Variants in ABCC6 observed in about 807,000 individuals in gnomAD.
ABCC6 encodes the protein ATP binding cassette subfamily C member 6, also known as ATP-binding cassette sub-family C member 6.
Under a neutral mutation model 169.5 loss-of-function variants are expected in ABCC6, and 126 were observed. The observed-to-expected ratio is 0.74, with a 90% CI of 0.64 to 0.86. The LOEUF is 0.86. ABCC6 is among the 40% of genes least tolerant of loss of function. ABCC6 has a pLI of 0.00. For missense variants in ABCC6, 1,733 were observed against 1,927.2 expected (o/e 0.90, Z 1.89); for synonymous variants, 752 against 814.7 (o/e 0.92, Z 1.31).
intron 10 of ABCC6, among the ~76,000 whole-genome samples, chr16:16,196,454 T>C (rs907560898): frequency 6.6e-6 from 1 of 152,274 alleles, no homozygotes; most frequent in Non-Finnish European, 1.5e-5. Context: ...AATGATAATA[T>C]TACAAATACC....
intron 9 of ABCC6, among the ~76,000 whole-genome samples, chr16:16,201,011 G>C (rs1395062816): frequency 6.6e-6 from 1 of 152,108 alleles, no homozygotes; most frequent in Non-Finnish European, 1.5e-5. Context: ...CTCTTACCCA[G>C]GCTGCGCTGT....
intron 20 of ABCC6, 70 bp downstream of exon 20, chr16:16,175,841 G>A: frequency 6.4e-7 from 1 of 1,559,716 alleles, no homozygotes; most frequent in Non-Finnish European, 8.8e-7. Flanking sequence ...TGCCCGAGAT[G>A]CGGGTGGTCC....
At chr16:16,195,406 G>A (rs1490946605) in intron 10 of ABCC6, among the ~76,000 whole-genome samples, 4 of 147,724 alleles carry the variant, frequency 2.7e-5, no homozygotes, top group Admixed American at 6.9e-5. Context: ...TCCACCTCCC[G>A]GGTTCAAGTG....
At chr16:16,220,617 CG>C (rs2049039335) in intron 2 of ABCC6, among the ~76,000 whole-genome samples, 1 of 152,062 alleles carries the variant, frequency 6.6e-6, no homozygotes, top group South Asian at 2.1e-4. Context: ...CGCAGTCGGC[CG>C]GGGGTGGTGG....
Position 16,163,157 on chromosome 16 carries a change from G to T in ABCC6, c.3342C>A (p.Arg1114=), listed in dbSNP as rs757849397. ...CAGACGAGTAGCTGGCTGACTCCAA[G>T]CGTCTCAGCTGGCATGAGCTAACCA... ...LYVVSSCQLR[R]LESASYSSVC... is the part of the protein sequence containing the mutation. The change falls in exon 24 of 31, where the codon CGC becomes CGA. Residue 1114 remains arginine (R), a synonymous_variant. Transcript: ENST00000205557. 1.9e-6 allele frequency: 3 copies of T among 1,613,720 alleles called. No individual in the cohort carries two copies. Among genetic ancestry groups the T allele is most frequent in the Non-Finnish European group, 1.7e-6 (2 of 1,180,040 alleles).
At chr16:16,216,285 T>C (rs1022903871) in intron 4 of ABCC6, among the ~76,000 whole-genome samples, 1 of 151,968 alleles carries the variant, frequency 6.6e-6, no homozygotes, top group African/African-American at 2.4e-5. Context: ...TGTTGTGCTA[T>C]CAAATAGATA....
At chr16:16,203,703 A>G in intron 7 of ABCC6, 90 bp from the exon 8 acceptor site, 3 of 1,427,634 alleles carry the variant, frequency 2.1e-6, no homozygotes, top group South Asian at 1.2e-5. Flanking sequence ...TGTTTTCCCA[A>G]CAGTGGAGAT....
chr16:16,187,101 C>T (rs776092032), intron 14 of ABCC6, 23 bp downstream of exon 14: 1 of 1,605,112 alleles, frequency 6.2e-7, no homozygotes, highest in Admixed American at 1.7e-5. Flanking sequence ...TCCCACACCC[C>T]TCCTGCCAGA....
intron 26 of ABCC6, 102 bp downstream of exon 26, chr16:16,159,380 G>C (rs2046640963): frequency 1.9e-6 from 2 of 1,079,616 alleles, no homozygotes; most frequent in South Asian, 1.3e-5. Flanking sequence ...GGGGAGAAGA[G>C]GGTATAAACT....
intron 1 of ABCC6, chr16:16,222,943 G>C (rs1306680180): frequency 4.6e-6 from 1 of 218,566 alleles, no homozygotes; most frequent in African/African-American, 2.4e-5. Flanking sequence ...CACAAGGTTG[G>C]GCACAAGGCT....
At chr16:16,176,580 A>T (rs2047284685) in intron 19 of ABCC6, among the ~76,000 whole-genome samples, 1 of 152,254 alleles carries the variant, frequency 6.6e-6, no homozygotes, top group Non-Finnish European at 1.5e-5. Context: ...ATTGTGAATC[A>T]ACACTTAAGG....
At chr16:16,211,293 C>T (rs1038323439) in intron 6 of ABCC6, among the ~76,000 whole-genome samples, 2 of 151,624 alleles carry the variant, frequency 1.3e-5, no homozygotes, top group African/African-American at 2.4e-5. Flanking sequence ...CTCAGCTACT[C>T]GGGAGGCTGA....
At chr16:16,201,021 T>C (rs2048220193) in intron 9 of ABCC6, among the ~76,000 whole-genome samples, 1 of 152,150 alleles carries the variant, frequency 6.6e-6, no homozygotes, top group African/African-American at 2.4e-5. Context: ...GGCTGCGCTG[T>C]AGTGGCGTGA....
intron 9 of ABCC6, among the ~76,000 whole-genome samples, chr16:16,200,450 G>C (rs1026789361): frequency 2.2e-5 from 3 of 135,124 alleles, no homozygotes; most frequent in African/African-American, 2.7e-5. Context: ...AAAAAAAAAA[G>C]CCCAGAGGTT....
rs1012536984 is a variant in ABCC6, at chr16:16,175,842, C to T, written c.2666+69G>A. 5.7e-5 allele frequency: 89 copies of T among 1,562,086 alleles called. No individual in the cohort carries two copies. The Middle Eastern group carries it at 6.8e-4, about 12-fold the overall frequency. On this transcript the variant is annotated intron_variant, in intron 20 of 30. Coordinates refer to ENST00000205557, the MANE Select transcript of ABCC6 (RefSeq NM_001171.6). Reference sequence around the variant, plus strand: ...GTTGCCCGCCTAACTGCCCGAGATGCGGGTGGTCCCTTCAGCTACTTCAGC... The same window carrying T: ...GTTGCCCGCCTAACTGCCCGAGATGTGGGTGGTCCCTTCAGCTACTTCAGC...
At chr16:16,173,130 G>T in intron 21 of ABCC6, 154 bp downstream of exon 21, 1 of 940,798 alleles carries the variant, frequency 1.1e-6, no homozygotes. Context: ...GTGGTTGTGA[G>T]GATTAAGAAA....
At chr16:16,176,207 C>G (rs1048194852) in intron 19 of ABCC6, among the ~76,000 whole-genome samples, 1 of 152,148 alleles carries the variant, frequency 6.6e-6, no homozygotes, top group African/African-American at 2.4e-5. Context: ...TAACTGAGCA[C>G]CTACTATGAA....
chr16:16,172,078 ATAAATGAGTGGGTGGGATGGC>A (rs2047109325), intron 21 of ABCC6, among the ~76,000 whole-genome samples: 17 of 26,554 alleles, frequency 6.4e-4, no homozygotes, highest in East Asian at 3.6e-3. Context: ...GGTGGGATGG[ATAAATGAGTGGGTGGGATGGC>A]TAAATGAGTG....
Position 16,159,555 on chromosome 16 carries a change from C to T in ABCC6, c.3662G>A (p.Arg1221His), listed in dbSNP as rs63751001. 1.9e-5 allele frequency: 30 copies of T among 1,614,106 alleles called. No individual in the cohort carries two copies. The highest frequency in any genetic ancestry group is 6.6e-5 in the South Asian group (6 of 91,076). The change falls in exon 26 of 31, where the codon CGC becomes CAC. Residue 1221 changes from arginine to histidine, a missense_variant. This residue lies in a region of ABCC6 where 1,601 missense variants were observed against 1,635.5 expected (regional missense o/e 0.98). Transcript: ENST00000205557. ...QVTQTLQWVV[R>H]NWTDLENSIV... ...GCTGTTCTCTAGGTCTGTCCAGTTGCGAACAACCCACTGCAGTGTCTGGGT... is the reference window on the plus strand; with the variant it reads ...GCTGTTCTCTAGGTCTGTCCAGTTGTGAACAACCCACTGCAGTGTCTGGGT...
Sources: allele counts gnomAD v4.1 joint callset (sites outside exome capture counted in the v4.1 genomes callset), GRCh38; gene constraint gnomAD v4.1.1; regional missense constraint gnomAD v4.1.1; transcripts MANE v1.5; gene names NCBI Gene and HGNC (gene_info 2026-07-23, HGNC 2026-07-21).